Variants in CAST observed in about 807,000 individuals in gnomAD.
The protein encoded by CAST is calpastatin.
In CAST, 76 loss-of-function variants were observed where a neutral mutation model predicts 119.6. That is an observed-to-expected ratio of 0.64 (90% CI 0.53 to 0.77). The LOEUF (loss-of-function observed/expected upper bound fraction) is 0.77, where lower values mean the gene tolerates loss of function less well. Among genes scored for constraint, CAST ranks in the 30% least tolerant of loss-of-function variants. The pLI is 0.00. For synonymous variants in CAST, 319 were observed against 331.6 expected, an observed-to-expected ratio of 0.96 and a Z score of 0.41; for missense variants, 953 against 946.5, an observed-to-expected ratio of 1.01 and a Z score of -0.09.
At chr5:96,076,550 A>G in the CAST span, among the ~76,000 whole-genome samples, 1 of 152,230 alleles carries the variant, frequency 6.6e-6, no homozygotes, top group East Asian at 1.9e-4. Context: ...GAGGAAAACA[A>G]CTTTGGAGCC....
the CAST span, among the ~76,000 whole-genome samples, chr5:96,051,487 C>T: frequency 6.6e-5 from 10 of 152,068 alleles, no homozygotes; most frequent in African/African-American, 2.4e-4. Context: ...GGGTAACTGC[C>T]AGGATAGTTC....
the CAST span, among the ~76,000 whole-genome samples, chr5:96,071,632 C>T: frequency 6.6e-6 from 1 of 152,188 alleles, no homozygotes; most frequent in Non-Finnish European, 1.5e-5. Flanking sequence ...CTTTTCTTTG[C>T]TTGTCTCTCA....
At chr5:96,699,622 C>T (rs114316615) in intron 3 of CAST, among the ~76,000 whole-genome samples, 390 of 152,306 alleles carry the variant, frequency 2.6e-3, no homozygotes, top group African/African-American at 9.0e-3. Flanking sequence ...AGCCTGCACA[C>T]GTTGCTCACT....
chr5:96,223,473 G>A, the CAST span, among the ~76,000 whole-genome samples: 1 of 152,112 alleles, frequency 6.6e-6, no homozygotes, highest in Non-Finnish European at 1.5e-5. Context: ...ATGATTTCAT[G>A]TCATTATGAG....
At chr5:96,123,764 C>T in the CAST span, among the ~76,000 whole-genome samples, 1 of 152,320 alleles carries the variant, frequency 6.6e-6, no homozygotes, top group East Asian at 1.9e-4. Flanking sequence ...TATGGTTCAA[C>T]TCCCGAGTGG....
chr5:96,742,264 A>T (rs11750400), intron 15 of CAST: 15,383 of 163,352 alleles, frequency 0.094, 939 homozygotes, highest in Middle Eastern at 0.15. Context: ...TCCTAAGCTT[A>T]GGTTGTCAGA....
intron 2 of CAST, among the ~76,000 whole-genome samples, chr5:96,677,833 G>GA (rs1220711535): frequency 6.6e-6 from 1 of 152,200 alleles, no homozygotes; most frequent in Non-Finnish European, 1.5e-5. Flanking sequence ...TTCAAAACTG[G>GA]AAGAGGTTTC....
chr5:95,972,265 G>A, the CAST span, among the ~76,000 whole-genome samples: 2 of 152,148 alleles, frequency 1.3e-5, no homozygotes, highest in Admixed American at 6.5e-5. Context: ...GAATACTTAA[G>A]AGTGGGATTA....
the CAST span, among the ~76,000 whole-genome samples, chr5:96,485,253 A>G: frequency 6.6e-6 from 1 of 152,196 alleles, no homozygotes; most frequent in African/African-American, 2.4e-5. Context: ...AACACTCACA[A>G]GTCAATGTTG....
the CAST span, among the ~76,000 whole-genome samples, chr5:96,064,989 T>A: frequency 6.6e-6 from 1 of 152,140 alleles, no homozygotes; most frequent in East Asian, 1.9e-4. Flanking sequence ...ATGTTGGTAA[T>A]GGCTATGTAT....
chr5:96,623,766 A>G (rs80293287), intron 1 of CAST, among the ~76,000 whole-genome samples: 25 of 152,290 alleles, frequency 1.6e-4, no homozygotes, highest in African/African-American at 5.3e-4. Context: ...CACAATCACA[A>G]GCTCACTGCA....
chr5:96,178,935 A>G, the CAST span, among the ~76,000 whole-genome samples: 1 of 152,170 alleles, frequency 6.6e-6, no homozygotes, highest in Non-Finnish European at 1.5e-5. Context: ...CCTGATCTCA[A>G]TGAAGCCCCA....
the CAST span, among the ~76,000 whole-genome samples, chr5:96,149,611 G>A: frequency 2.8e-4 from 43 of 152,272 alleles, no homozygotes; most frequent in African/African-American, 1.0e-3. Context: ...TTACTTTGAA[G>A]GGTTTTCTCT....
At chr5:96,091,941 C>T in the CAST span, among the ~76,000 whole-genome samples, 1 of 152,212 alleles carries the variant, frequency 6.6e-6, no homozygotes, top group Non-Finnish European at 1.5e-5. Context: ...CCTTGGCTGT[C>T]TCCATTTGAT....
intron 1 of CAST, among the ~76,000 whole-genome samples, chr5:96,533,531 C>G (rs761550069): frequency 2.0e-5 from 3 of 152,074 alleles, no homozygotes; most frequent in Non-Finnish European, 4.4e-5. Flanking sequence ...CTTCGAGATT[C>G]GCACTGATGG....
chr5:96,560,461 A>G (rs1746334298), intron 1 of CAST, among the ~76,000 whole-genome samples: 1 of 152,238 alleles, frequency 6.6e-6, no homozygotes, highest in East Asian at 1.9e-4. Flanking sequence ...TACTCATCTG[A>G]CAAAGGGCTA....
chr5:96,532,313 A>T (rs1745704017), intron 1 of CAST, among the ~76,000 whole-genome samples: 2 of 152,236 alleles, frequency 1.3e-5, no homozygotes, highest in Admixed American at 1.3e-4. Flanking sequence ...CTTTGTTTGC[A>T]CAAGATGTTG....
At chr5:96,726,941 C>A in intron 5 of CAST, 82 bp downstream of exon 5, 1 of 952,812 alleles carries the variant, frequency 1.0e-6, no homozygotes, top group South Asian at 1.4e-5. Context: ...AACTGCAATT[C>A]ACAGTCTTCT....
At chr5:96,124,284 T>C in the CAST span, among the ~76,000 whole-genome samples, 1 of 152,114 alleles carries the variant, frequency 6.6e-6, no homozygotes, top group East Asian at 1.9e-4. Flanking sequence ...CCCAAACTCC[T>C]GGGCTCAAGG....
Sources: gnomAD v4.1 joint callset for allele counts (sites outside exome capture counted in the v4.1 genomes callset) on GRCh38, gnomAD v4.1.1 for gene constraint, MANE v1.5 for transcripts, NCBI Gene and HGNC (gene_info 2026-07-23, HGNC 2026-07-21) for gene names.